Variants in FANCA observed in about 807,000 individuals in gnomAD.
FANCA encodes the protein FA complementation group A, also known as Fanconi anemia group A protein.
FANCA carries 236 observed loss-of-function variants against 194.3 expected under a neutral mutation model. The observed-to-expected ratio is 1.21, with a 90% CI of 1.09 to 1.35. The LOEUF is 1.35. FANCA is among the 40% of genes most tolerant of loss of function. FANCA has a pLI of 0.00. For synonymous variants in FANCA, 1,014 were observed against 715.8 expected (o/e 1.42, Z -6.65); for missense variants, 2,628 against 1,813.9 (o/e 1.45, Z -8.15).
intron 14 of FANCA, among the ~76,000 whole-genome samples, chr16:89,787,398 C>A (rs1349427425): frequency 6.6e-6 from 1 of 152,136 alleles, no homozygotes; most frequent in African/African-American, 2.4e-5. Context: ...TGGCAGGCGC[C>A]TGTAGTCCCA....
At chr16:89,750,464 C>CGG (rs2038546855) in intron 31 of FANCA, among the ~76,000 whole-genome samples, 2 of 145,322 alleles carry the variant, frequency 1.4e-5, no homozygotes, top group Non-Finnish European at 1.5e-5. Flanking sequence ...GACTGGGCAA[C>CGG]AGAGTGAGAC....
rs71137677 is a variant in FANCA, at chr16:89,812,646, CAAAA to C, written c.284-1579_284-1576del. Among the ~76,000 whole-genome samples, 300 of 42,274 alleles carry C rather than the reference CAAAA, an allele frequency of 7.1e-3. 2 individuals are homozygous for C. Among genetic ancestry groups the C allele is most frequent in the African/African-American group, 0.018 (274 of 15,590 alleles). 27.7% of individuals were successfully genotyped at this position (42,274 alleles called of 152,430 possible). On this transcript the variant is annotated intron_variant, in intron 3 of 42. Coordinates refer to ENST00000389301, the MANE Select transcript of FANCA (RefSeq NM_000135.4). ...GGGTAACAAGAGCAATACTCCGTCT[CAAAA>C]AAAAAAAAAAAAAAAAAAAACTGTT... is the stretch of plus-strand genomic sequence containing the variant.
chr16:89,750,948 G>A (rs977623474), intron 31 of FANCA, among the ~76,000 whole-genome samples: 2 of 152,098 alleles, frequency 1.3e-5, no homozygotes, highest in Non-Finnish European at 2.9e-5. Flanking sequence ...GCTGGAGTGC[G>A]GCAGTGCAGT....
At chr16:89,765,748 C>T (rs1256381205) in intron 27 of FANCA, among the ~76,000 whole-genome samples, 1 of 152,246 alleles carries the variant, frequency 6.6e-6, no homozygotes, top group Non-Finnish European at 1.5e-5. Flanking sequence ...GACTGTCGTC[C>T]CTGCTCAGCA....
Position 89,745,078 on chromosome 16 carries a change from A to G in FANCA, c.3514-7T>C, listed in dbSNP as rs2143088550. The G allele has an allele frequency of 6.3e-7, 1 of 1,593,762 alleles. No homozygotes were observed. The highest frequency in any genetic ancestry group is 1.1e-5 in the South Asian group (1 of 88,868). ...CCAGGCTCGGCCACCACACCTATGG[A>G]GAGAGCACCAGCACACAGATGAGGG... On this transcript the variant is annotated splice_region_variant and splice_polypyrimidine_tract_variant and intron_variant, in intron 35 of 42. Transcript: ENST00000389301.
At position 89,792,553 on chromosome 16, in the gene FANCA, G is replaced by C. The variant is rs770125368; in HGVS notation, c.1007-6C>G. 5 of 1,612,514 alleles carry C rather than the reference G, an allele frequency of 3.1e-6. No homozygotes were observed. Among genetic ancestry groups the C allele is most frequent in the East Asian group, 2.2e-5 (1 of 44,832 alleles). On this transcript the variant is annotated splice_region_variant and splice_polypyrimidine_tract_variant and intron_variant, in intron 11 of 42. Coordinates refer to ENST00000389301, the MANE Select transcript of FANCA (RefSeq NM_000135.4). ...CATCTGAACAGCATCAGATGCTGCAGGGGGAGAAACAGACAAAAACTTCAA... is the reference window on the plus strand; with the variant it reads ...CATCTGAACAGCATCAGATGCTGCACGGGGAGAAACAGACAAAAACTTCAA...
At chr16:89,762,418 A>G (rs894721066) in intron 28 of FANCA, among the ~76,000 whole-genome samples, 3 of 151,716 alleles carry the variant, frequency 2.0e-5, no homozygotes, top group Non-Finnish European at 4.4e-5. Flanking sequence ...ACATGGTGAC[A>G]CCCCGTCTCT....
chr16:89,802,261 C>T (rs930503066), intron 8 of FANCA, among the ~76,000 whole-genome samples: 2 of 150,390 alleles, frequency 1.3e-5, no homozygotes, highest in Non-Finnish European at 3.0e-5. Flanking sequence ...CCACCACGCC[C>T]GGCTATTTTT....
chr16:89,769,937 C>T lies in FANCA; in HGVS notation c.2404G>A (p.Asp802Asn). The part of the protein sequence containing the change: ...GESRSALPEV[D>N]VGPPAPGAGL... ...GCACCAGGTGCAGGAGGACCCACAT[C>T]CACCTCTGGGAGCGCAGACCTGGAC... is the stretch of plus-strand genomic sequence containing the variant. The change falls in exon 26 of 43, where the codon GAT becomes AAT. Residue 802 changes from aspartate to asparagine, a missense_variant. Transcript: ENST00000389301. 1 of 1,614,062 alleles carries T rather than the reference C, an allele frequency of 6.2e-7. No homozygotes were observed. Among genetic ancestry groups the T allele is most frequent in the Non-Finnish European group, 8.5e-7 (1 of 1,179,996 alleles).
At chr16:89,744,913 G>C in intron 36 of FANCA, 46 bp downstream of exon 36, 1 of 1,557,784 alleles carries the variant, frequency 6.4e-7, no homozygotes, top group Non-Finnish European at 8.8e-7. Context: ...AGCAGGTCCC[G>C]AAGTGCATCT....
At chr16:89,781,141 G>C (rs1315185014) in intron 17 of FANCA, among the ~76,000 whole-genome samples, 1 of 152,048 alleles carries the variant, frequency 6.6e-6, no homozygotes, top group Admixed American at 6.6e-5. Context: ...GAGGCAGACG[G>C]ATCACGAGGT....
At chr16:89,761,320 G>A (rs1454084987) in intron 29 of FANCA, among the ~76,000 whole-genome samples, 1 of 151,490 alleles carries the variant, frequency 6.6e-6, no homozygotes, top group East Asian at 1.9e-4. Flanking sequence ...TCGGGAGGCT[G>A]AGCCAGGAGA....
At chr16:89,762,667 T>A (rs1328198471) in intron 28 of FANCA, 3 of 321,970 alleles carry the variant, frequency 9.3e-6, no homozygotes, top group Admixed American at 3.7e-5. Context: ...CAGGTTCTGT[T>A]GCCCAGGCTG....
In FANCA at chr16:89,746,761, G is replaced by C. The variant is rs2038404773; in HGVS notation, c.3408+70C>G. 3 of 1,594,900 alleles carry C rather than the reference G, an allele frequency of 1.9e-6. No individual in the cohort carries two copies. The South Asian group carries it at 3.3e-5, about 18-fold the overall frequency. ...AACTAGTAGAGTGAAGGAACTCACA[G>C]GAAGCTGACAGGAGGATCCACCCAC... On this transcript the variant is annotated intron_variant, in intron 34 of 42. Transcript: ENST00000389301.
intron 30 of FANCA, among the ~76,000 whole-genome samples, chr16:89,755,768 G>C (rs2038746617): frequency 6.6e-6 from 1 of 152,180 alleles, no homozygotes; most frequent in Non-Finnish European, 1.5e-5. Context: ...TCCATTCTGA[G>C]AAACACATCT....
At chr16:89,739,621 C>T in intron 39 of FANCA, 68 bp from the exon 40 acceptor site, 1 of 1,530,678 alleles carries the variant, frequency 6.5e-7, no homozygotes. Context: ...TGGGGACACC[C>T]CTGGGGGTCG....
At chr16:89,753,037 A>G (rs187520454) in intron 30 of FANCA, among the ~76,000 whole-genome samples, 2 of 152,338 alleles carry the variant, frequency 1.3e-5, no homozygotes, top group East Asian at 1.9e-4. Context: ...GTCCACCTTC[A>G]TGTTCCATCC....
At chr16:89,798,661 C>T (rs2040330510) in intron 10 of FANCA, 4 of 1,248,958 alleles carry the variant, frequency 3.2e-6, no homozygotes, top group East Asian at 3.5e-5. Flanking sequence ...TAAGGGTCTC[C>T]GCACATCTCC....
chr16:89,753,107 C>T (rs2038653276), intron 30 of FANCA, among the ~76,000 whole-genome samples: 1 of 152,172 alleles, frequency 6.6e-6, no homozygotes, highest in Admixed American at 6.5e-5. Flanking sequence ...ACTAATAGTC[C>T]CTGATATGCA....
Sources: allele counts gnomAD v4.1 joint callset (sites outside exome capture counted in the v4.1 genomes callset), GRCh38; gene constraint gnomAD v4.1.1; transcripts MANE v1.5; gene names NCBI Gene and HGNC (gene_info 2026-07-23, HGNC 2026-07-21).